Variants in SHCBP1L observed in about 807,000 individuals in gnomAD.
SHCBP1L encodes the protein testicular spindle-associated protein SHCBP1L.
In SHCBP1L, 67 loss-of-function variants were observed where a neutral mutation model predicts 62.5. That is an observed-to-expected ratio of 1.07 (90% CI 0.88 to 1.31). SHCBP1L has a LOEUF of 1.31. Ranked by LOEUF, SHCBP1L falls within the 40% of genes most tolerant of loss-of-function variation. The pLI is 0.00. For missense variants in SHCBP1L, 823 were observed against 809.8 expected (o/e 1.02, Z -0.20); for synonymous variants, 284 against 289.4 (o/e 0.98, Z 0.19).
At chr1:182,950,334 A>G (rs1451043165) in intron 2 of SHCBP1L, among the ~76,000 whole-genome samples, 1 of 152,136 alleles carries the variant, frequency 6.6e-6, no homozygotes, top group East Asian at 1.9e-4. Flanking sequence ...TAACAAAGAA[A>G]AATCTTATTA....
At position 182,952,836 on chromosome 1, in the gene SHCBP1L, C is replaced by A. The variant is rs1345225332; in HGVS notation, c.298G>T (p.Glu100Ter). Residue 100 changes from glutamate to a stop codon, truncating the protein, a stop_gained, in exon 1 of 10, where the codon GAA (glutamate) becomes TAA (stop). Transcript: ENST00000367547. LOFTEE classifies it high-confidence loss of function. ...GGGGGCAGGGGCTGCGCCTCCTCTT[C>A]ATCCTCAGGCACTGGCAGCAGGGGC... ...EEPLLPVPED[E>*]EEAQPLPPVC... is the part of the protein sequence containing the mutation. The A allele has an allele frequency of 1.2e-6, 2 of 1,611,888 alleles. No individual in the cohort carries two copies. Among genetic ancestry groups the A allele is most frequent in the Admixed American group, 3.3e-5 (2 of 59,914 alleles).
At chr1:182,901,183 C>A (rs113288247) in intron 9 of SHCBP1L, among the ~76,000 whole-genome samples, 1 of 152,002 alleles carries the variant, frequency 6.6e-6, no homozygotes, top group Non-Finnish European at 1.5e-5. Context: ...TCAGGTCAGG[C>A]GTGGTGGCTC....
chr1:182,912,586 A>G (rs1365085340), intron 6 of SHCBP1L, among the ~76,000 whole-genome samples: 1 of 151,362 alleles, frequency 6.6e-6, no homozygotes, highest in Non-Finnish European at 1.5e-5. Flanking sequence ...GCAGTGGCGC[A>G]ATCTCGGTTC....
intron 6 of SHCBP1L, among the ~76,000 whole-genome samples, chr1:182,927,535 A>G (rs1034820277): frequency 3.2e-4 from 48 of 151,674 alleles, no homozygotes; most frequent in Non-Finnish European, 6.5e-4. Context: ...AGCCGGGCGT[A>G]GTGGCGGGCG....
At chr1:182,946,306 TC>T (rs911741716) in intron 2 of SHCBP1L, among the ~76,000 whole-genome samples, 17 of 151,996 alleles carry the variant, frequency 1.1e-4, no homozygotes, top group Non-Finnish European at 1.8e-4. Context: ...ACCAACCTCT[TC>T]CCCCATCTCT....
intron 6 of SHCBP1L, among the ~76,000 whole-genome samples, chr1:182,926,520 C>G (rs1434949775): frequency 6.6e-6 from 1 of 152,134 alleles, no homozygotes; most frequent in Non-Finnish European, 1.5e-5. Context: ...CTCTATGGGA[C>G]AGACTTCATT....
At chr1:182,947,265 T>G (rs1046547349) in intron 2 of SHCBP1L, among the ~76,000 whole-genome samples, 1 of 148,006 alleles carries the variant, frequency 6.8e-6, no homozygotes, top group African/African-American at 2.5e-5. Context: ...AAAATCACAA[T>G]GATCACCTTA....
intron 1 of SHCBP1L, 192 bp downstream of exon 1, chr1:182,952,537 C>T: frequency 3.2e-6 from 2 of 629,304 alleles, no homozygotes; most frequent in Non-Finnish European, 5.1e-6. Context: ...AACCTTAACT[C>T]CTCTAGGGCA....
chr1:182,937,910 C>A (rs1466796419), intron 5 of SHCBP1L, among the ~76,000 whole-genome samples: 1 of 152,042 alleles, frequency 6.6e-6, no homozygotes, highest in Non-Finnish European at 1.5e-5. Context: ...ATTTTTCTTG[C>A]CTTTTAGCAT....
At position 182,953,163 on chromosome 1, in the gene SHCBP1L, C is replaced by A. The variant is rs924227761; in HGVS notation, c.-30G>T. The A allele has an allele frequency of 5.1e-6, 8 of 1,569,218 alleles. No individual in the cohort carries two copies. The highest frequency in any genetic ancestry group is 2.7e-5 in the African/African-American group (2 of 74,174). ...TCAGCAGCCCGAGGGCCGAGGCAGCCGTTGGCCACTTTTCCCGCCCTCGGC... is the reference window on the plus strand; with the variant it reads ...TCAGCAGCCCGAGGGCCGAGGCAGCAGTTGGCCACTTTTCCCGCCCTCGGC... On this transcript the variant is annotated 5_prime_UTR_variant, in exon 1 of 10. Transcript: ENST00000367547.
chr1:182,915,395 C>G (rs1312066231), intron 6 of SHCBP1L, among the ~76,000 whole-genome samples: 1 of 151,884 alleles, frequency 6.6e-6, no homozygotes, highest in Non-Finnish European at 1.5e-5. Context: ...AGAAGATGTA[C>G]CAATAAGCAT....
chr1:182,913,921 C>T (rs1032352260), intron 6 of SHCBP1L, among the ~76,000 whole-genome samples: 6 of 152,150 alleles, frequency 3.9e-5, no homozygotes, highest in African/African-American at 1.4e-4. Context: ...GCAGAGGTTG[C>T]AGTGAGCCAA....
chr1:182,915,376 A>T (rs1372640757), intron 6 of SHCBP1L, among the ~76,000 whole-genome samples: 1 of 152,142 alleles, frequency 6.6e-6, no homozygotes, highest in East Asian at 1.9e-4. Context: ...CAAAAGAGTT[A>T]ATTCATCAAG....
intron 2 of SHCBP1L, among the ~76,000 whole-genome samples, chr1:182,944,767 T>C (rs1463913913): frequency 1.3e-5 from 2 of 152,078 alleles, no homozygotes; most frequent in Non-Finnish European, 2.9e-5. Flanking sequence ...ACAACCACTC[T>C]TTCCTGGCCT....
intron 6 of SHCBP1L, among the ~76,000 whole-genome samples, chr1:182,924,700 G>GAAA (rs1650626307): frequency 2.4e-5 from 2 of 84,296 alleles, no homozygotes; most frequent in African/African-American, 5.9e-5. Context: ...GGAAAGGAAA[G>GAAA]GAAGAAAGAA....
intron 6 of SHCBP1L, among the ~76,000 whole-genome samples, chr1:182,916,786 C>T (rs1206160537): frequency 6.6e-6 from 1 of 152,092 alleles, no homozygotes; most frequent in Non-Finnish European, 1.5e-5. Flanking sequence ...GATCAGATAG[C>T]TTCATTGATA....
At chr1:182,931,943 ATTTTTTTTTTTTTT>A (rs1164377476) in intron 5 of SHCBP1L, among the ~76,000 whole-genome samples, 752 of 69,688 alleles carry the variant, frequency 0.011, 24 homozygotes, top group African/African-American at 0.041. Flanking sequence ...GGAACCACTG[ATTTTTTTTTTTTTT>A]TTTTTTTTTT....
intron 5 of SHCBP1L, among the ~76,000 whole-genome samples, chr1:182,934,924 T>C (rs898002688): frequency 9.2e-5 from 14 of 152,164 alleles, no homozygotes; most frequent in African/African-American, 2.9e-4. Flanking sequence ...ATATCCTTTT[T>C]CTATTACATT....
chr1:182,940,208 T>G, intron 3 of SHCBP1L, 121 bp downstream of exon 3: 2 of 683,382 alleles, frequency 2.9e-6, no homozygotes, highest in Middle Eastern at 3.5e-4. Flanking sequence ...ACAAATTTAA[T>G]CCAGCAGTAG....
Sources: gnomAD v4.1 joint callset for allele counts (sites outside exome capture counted in the v4.1 genomes callset) on GRCh38, gnomAD v4.1.1 for gene constraint, MANE v1.5 for transcripts, NCBI Gene and HGNC (gene_info 2026-07-23, HGNC 2026-07-21) for gene names.